SEMA3A: variants seen among roughly 807,000 people sequenced by gnomAD.
SEMA3A encodes the protein semaphorin 3A, also known as semaphorin-3A.
SEMA3A carries 29 observed loss-of-function variants against 97.9 expected under a neutral mutation model. The ratio of observed to expected loss-of-function variants is 0.30; its 90% CI spans 0.22 to 0.40. SEMA3A has a LOEUF of 0.40. SEMA3A is among the 10% of genes least tolerant of loss of function. The pLI is 1.00. For synonymous variants in SEMA3A, 321 were observed against 323.7 expected (o/e 0.99, Z 0.09); for missense variants, 763 against 951.3 (o/e 0.80, Z 2.60).
chr7:84,282,750 A>G (rs1047337515), intron 3 of SEMA3A, among the ~76,000 whole-genome samples: 1 of 152,164 alleles, frequency 6.6e-6, no homozygotes, highest in Non-Finnish European at 1.5e-5. Flanking sequence ...GCAGTGGCTC[A>G]TGCCTGTAAT....
intron 1 of SEMA3A, among the ~76,000 whole-genome samples, chr7:84,164,995 C>A (rs532834683): frequency 4.0e-4 from 61 of 152,210 alleles, no homozygotes; most frequent in African/African-American, 1.4e-3. Flanking sequence ...ATCCCTTGAG[C>A]TCAGGTGTTC....
intron 4 of SEMA3A, among the ~76,000 whole-genome samples, chr7:84,072,568 CTT>C (rs1383175895): frequency 6.6e-6 from 1 of 152,002 alleles, no homozygotes; most frequent in African/African-American, 2.4e-5. Flanking sequence ...ATTTTTGAGA[CTT>C]TGCTAATTTA....
At chr7:84,153,436 T>C (rs1796741033) in intron 1 of SEMA3A, among the ~76,000 whole-genome samples, 1 of 152,134 alleles carries the variant, frequency 6.6e-6, no homozygotes, top group Non-Finnish European at 1.5e-5. Context: ...GCAGAGTTAT[T>C]ACTGACCTTA....
At chr7:84,424,858 T>G (rs1300756456) in intron 1 of SEMA3A, among the ~76,000 whole-genome samples, 2 of 77,868 alleles carry the variant, frequency 2.6e-5, no homozygotes, top group African/African-American at 1.0e-4. Context: ...TATAAATAAT[T>G]TATATAAATA....
intron 5 of SEMA3A, among the ~76,000 whole-genome samples, chr7:84,051,924 T>C (rs1229747854): frequency 6.7e-6 from 1 of 149,798 alleles, no homozygotes; most frequent in Non-Finnish European, 1.5e-5. Flanking sequence ...GCATGAAGGG[T>C]TGTTGAATTT....
At chr7:83,961,970 T>A (rs962112755) in intron 16 of SEMA3A, 144 bp from the exon 17 acceptor site, 7 of 566,364 alleles carry the variant, frequency 1.2e-5, no homozygotes, top group African/African-American at 1.9e-5. Flanking sequence ...AGAGAAGTGA[T>A]AGCATTTTCC....
chr7:84,276,443 G>A (rs965101840), intron 3 of SEMA3A, among the ~76,000 whole-genome samples: 10 of 151,800 alleles, frequency 6.6e-5, no homozygotes, highest in African/African-American at 2.4e-4. Flanking sequence ...TCTTCAAATA[G>A]GTTGTTAATT....
chr7:84,433,732 A>G (rs1445757717), intron 1 of SEMA3A, among the ~76,000 whole-genome samples: 1 of 152,146 alleles, frequency 6.6e-6, no homozygotes, highest in African/African-American at 2.4e-5. Context: ...CATCCTCTAC[A>G]GCATCTGTTG....
intron 1 of SEMA3A, among the ~76,000 whole-genome samples, chr7:84,173,196 T>C (rs1198873008): frequency 6.6e-6 from 1 of 152,188 alleles, no homozygotes; most frequent in Non-Finnish European, 1.5e-5. Context: ...TGTCATATCA[T>C]TTTTAAAGTA....
At chr7:84,247,556 G>GT (rs1584165110) in intron 3 of SEMA3A, among the ~76,000 whole-genome samples, 1 of 152,112 alleles carries the variant, frequency 6.6e-6, no homozygotes, top group East Asian at 1.9e-4. Context: ...CCAATAAAGA[G>GT]TAACATAACT....
At chr7:84,458,563 T>G (rs1584339803) in intron 1 of SEMA3A, among the ~76,000 whole-genome samples, 1 of 152,186 alleles carries the variant, frequency 6.6e-6, no homozygotes, top group Admixed American at 6.5e-5. Context: ...CACCTGAAAG[T>G]TAGATTTCTG....
chr7:83,972,869 A>G (rs1316829147), intron 15 of SEMA3A, among the ~76,000 whole-genome samples: 2 of 152,130 alleles, frequency 1.3e-5, no homozygotes, highest in Non-Finnish European at 2.9e-5. Context: ...GAATAATTAG[A>G]CTTTTTTCCT....
chr7:84,127,538 G>A (rs1196252735), intron 3 of SEMA3A, among the ~76,000 whole-genome samples: 4 of 151,960 alleles, frequency 2.6e-5, no homozygotes, highest in Admixed American at 6.6e-5. Context: ...TCTTTAATAC[G>A]TGTCATGAAT....
Position 84,266,447 on chromosome 7 carries a change from T to C in SEMA3A, c.-83+40760A>G, listed in dbSNP as rs1800005721. Reference sequence around the variant, plus strand: ...AGAGAGTGACTGCAAATTGACAGGCTTTTTTGTGGGTCTCTAACTATCCAA... The same window carrying C: ...AGAGAGTGACTGCAAATTGACAGGCCTTTTTGTGGGTCTCTAACTATCCAA... On this transcript the variant is annotated intron_variant, in intron 3 of 3. Coordinates refer to the SEMA3A transcript ENST00000424555. Among the ~76,000 whole-genome samples, 3 of 152,012 alleles carry C rather than the reference T, an allele frequency of 2.0e-5. No homozygotes were observed. In the South Asian group the frequency reaches 6.2e-4, roughly 32 times the overall value.
intron 12 of SEMA3A, 56 bp downstream of exon 12, chr7:84,001,899 C>A: frequency 8.1e-7 from 1 of 1,230,818 alleles, no homozygotes; most frequent in South Asian, 1.2e-5. Context: ...TGCAGCTGTC[C>A]TGGGGGAAAG....
At chr7:84,289,658 G>A (rs575736438) in intron 3 of SEMA3A, among the ~76,000 whole-genome samples, 6 of 152,166 alleles carry the variant, frequency 3.9e-5, no homozygotes, top group African/African-American at 9.6e-5. Flanking sequence ...TGGAACCCAC[G>A]CATGTTGCTG....
intron 3 of SEMA3A, among the ~76,000 whole-genome samples, chr7:84,218,598 A>G (rs1201545575): frequency 1.3e-5 from 2 of 152,192 alleles, no homozygotes; most frequent in East Asian, 1.9e-4. Flanking sequence ...TTGATATTCA[A>G]TTTGAATTTT....
At chr7:84,428,777 C>T (rs1804892214) in intron 1 of SEMA3A, among the ~76,000 whole-genome samples, 1 of 151,882 alleles carries the variant, frequency 6.6e-6, no homozygotes, top group South Asian at 2.1e-4. Context: ...CAGATACTGT[C>T]CCTATAAACA....
rs898050071 is a variant in SEMA3A at position 83,960,029 on chromosome 7, G to C, written c.*1342C>G. On this transcript the variant is annotated 3_prime_UTR_variant, in exon 17 of 17. Transcript: ENST00000265362. ...CCCATTGATATGAAAAGAGTCATGT[G>C]TTTCTTGTACAAATAATTGTCTTAA... is the stretch of plus-strand genomic sequence containing the variant. 1 of 152,028 alleles carries C rather than the reference G, an allele frequency of 6.6e-6. No individual in the cohort carries two copies. The highest frequency in any genetic ancestry group is 1.5e-5 in the Non-Finnish European group (1 of 67,942). The allele number at this position is 152,028 out of a possible 1,614,324, so 9.4% of individuals were successfully genotyped here.
Sources: allele counts gnomAD v4.1 joint callset (sites outside exome capture counted in the v4.1 genomes callset), GRCh38; gene constraint gnomAD v4.1.1; transcripts MANE v1.5; gene names NCBI Gene and HGNC (gene_info 2026-07-23, HGNC 2026-07-21).